Variants in MOCOS observed in about 807,000 individuals in gnomAD.
MOCOS encodes the protein molybdenum cofactor sulfurase.
A neutral mutation model predicts 83.6 loss-of-function variants in MOCOS; 86 were observed. That is an observed-to-expected ratio of 1.03 (90% CI 0.86 to 1.23). The LOEUF (loss-of-function observed/expected upper bound fraction) is 1.23, where lower values mean the gene tolerates loss of function less well. Among genes scored for constraint, MOCOS ranks in the 50% most tolerant of loss-of-function variants. MOCOS has a pLI of 0.00. For synonymous variants in MOCOS, 445 were observed against 434.7 expected (o/e 1.02, Z -0.29); for missense variants, 1,120 against 1,126.9 (o/e 0.99, Z 0.09).
intron 1 of MOCOS, among the ~76,000 whole-genome samples, chr18:36,193,272 C>T (rs2091373415): frequency 8.0e-6 from 1 of 124,892 alleles, no homozygotes; most frequent in Non-Finnish European, 1.6e-5. Flanking sequence ...GATTGCGCCA[C>T]TGCAGTCCGC....
At chr18:36,258,704 T>C (rs2091651592) in intron 12 of MOCOS, among the ~76,000 whole-genome samples, 1 of 152,162 alleles carries the variant, frequency 6.6e-6, no homozygotes, top group Non-Finnish European at 1.5e-5. Flanking sequence ...CACAAAAAAG[T>C]GCAAAAGTCA....
intron 8 of MOCOS, among the ~76,000 whole-genome samples, chr18:36,217,982 C>T (rs1239410397): frequency 6.6e-6 from 1 of 152,128 alleles, no homozygotes; most frequent in African/African-American, 2.4e-5. Flanking sequence ...AACTTCTATA[C>T]CAGAACGGTC....
Position 36,203,199 on chromosome 18 carries a change from C to T in MOCOS, c.1018+10C>T. 3 of 1,611,768 alleles carry T rather than the reference C, an allele frequency of 1.9e-6. No homozygotes were observed. The highest frequency in any genetic ancestry group is 2.5e-6 in the Non-Finnish European group (3 of 1,177,858). On this transcript the variant is annotated intron_variant, in intron 5 of 14. Coordinates refer to ENST00000261326, the MANE Select transcript of MOCOS (RefSeq NM_017947.4). ...CTAGAGCGCCTCACAGGTCAGTGGA[C>T]ATTTCTATCCCTGTGGAATTTGCTC...
At chr18:36,219,198 T>TTTTA (rs1568056297) in intron 8 of MOCOS, among the ~76,000 whole-genome samples, 21 of 151,108 alleles carry the variant, frequency 1.4e-4, no homozygotes, top group African/African-American at 4.4e-4. Context: ...ATTTTATTTT[T>TTTTA]TTTTTTGACA....
chr18:36,266,676 T>G, intron 13 of MOCOS, 73 bp from the exon 14 acceptor site: 2 of 1,304,792 alleles, frequency 1.5e-6, no homozygotes, highest in Non-Finnish European at 2.2e-6. Context: ...CATTTCTGTG[T>G]GATTCCTCCC....
intron 1 of MOCOS, among the ~76,000 whole-genome samples, chr18:36,191,046 A>T (rs1416824731): frequency 6.4e-5 from 8 of 125,398 alleles, no homozygotes; most frequent in Non-Finnish European, 5.5e-5. Flanking sequence ...AAGAAAAAAA[A>T]GTGTGTAGCA....
intron 6 of MOCOS, among the ~76,000 whole-genome samples, chr18:36,211,178 G>A (rs935678262): frequency 1.3e-5 from 2 of 152,146 alleles, no homozygotes; most frequent in Admixed American, 6.5e-5. Context: ...GGTGGCCTTC[G>A]GAAACATCAG....
chr18:36,246,908 C>A lies in MOCOS; in HGVS notation c.1961-2014C>A, dbSNP rs183274132. 1.4e-4 allele frequency among the ~76,000 whole-genome samples: 22 copies of A among 152,236 alleles called. No individual in the cohort carries two copies. In the East Asian group the frequency reaches 3.5e-3, roughly 24 times the overall value. ...TGGCTTCCTCAGGTAATGAACAGGG[C>A]CATAGAGCTCCCAAGAGACCATGTC... On this transcript the variant is annotated intron_variant, in intron 9 of 14. Transcript: ENST00000261326.
chr18:36,260,015 T>C (rs747962820), intron 12 of MOCOS, 22 bp from the exon 13 acceptor site: 2 of 1,614,074 alleles, frequency 1.2e-6, no homozygotes, highest in Non-Finnish European at 8.5e-7. Context: ...CCCTACTTAC[T>C]CTTTTTGGTT....
chr18:36,232,060 G>T (rs2144933265), intron 9 of MOCOS, among the ~76,000 whole-genome samples: 1 of 152,202 alleles, frequency 6.6e-6, no homozygotes, highest in Non-Finnish European at 1.5e-5. Flanking sequence ...TCCATCTCCT[G>T]GGCTCAAGCC....
At chr18:36,203,221 G>C in intron 5 of MOCOS, 32 bp downstream of exon 5, 1 of 1,597,750 alleles carries the variant, frequency 6.3e-7, no homozygotes, top group Non-Finnish European at 8.6e-7. Context: ...TGTGGAATTT[G>C]CTCCTGTTGT....
At chr18:36,239,932 C>T (rs1349510506) in intron 9 of MOCOS, among the ~76,000 whole-genome samples, 2 of 151,118 alleles carry the variant, frequency 1.3e-5, no homozygotes, top group South Asian at 2.1e-4. Flanking sequence ...CACATCAGCT[C>T]CTGAGGCTTC....
chr18:36,194,928 G>A lies in MOCOS; in HGVS notation c.143-329G>A, dbSNP rs536937576. 3.1e-4 allele frequency among the ~76,000 whole-genome samples: 47 copies of A among 152,302 alleles called. 1 individual carries two copies. The South Asian group carries it at 9.1e-3, about 30-fold the overall frequency. ...GACTCCTCCCAGAACCTCCAGAATA[G>A]GTTGTGAGTGACAATGTGAAACAGC... is the stretch of plus-strand genomic sequence containing the variant. On this transcript the variant is annotated intron_variant, in intron 1 of 14. Coordinates refer to ENST00000261326, the MANE Select transcript of MOCOS (RefSeq NM_017947.4).
At position 36,217,946 on chromosome 18, in the gene MOCOS, A is replaced by G. The variant is rs568304707; in HGVS notation, c.1797+1969A>G. On this transcript the variant is annotated intron_variant, in intron 8 of 14. Coordinates refer to ENST00000261326, the MANE Select transcript of MOCOS (RefSeq NM_017947.4). Reference sequence around the variant, plus strand: ...CTTGGGCCCTTCTCACAATTACATGAAGCTGCTTCTATTGCTCCACAGCTG... The same window carrying G: ...CTTGGGCCCTTCTCACAATTACATGGAGCTGCTTCTATTGCTCCACAGCTG... Among the ~76,000 whole-genome samples the G allele has an allele frequency of 1.9e-4, 29 of 152,262 alleles. 1 individual carries two copies. In the South Asian group the frequency reaches 6.0e-3, roughly 32 times the overall value.
chr18:36,250,772 A>C (rs2091618924), intron 10 of MOCOS, among the ~76,000 whole-genome samples: 1 of 152,238 alleles, frequency 6.6e-6, no homozygotes, highest in Admixed American at 6.5e-5. Context: ...TCCATGTGAG[A>C]GAAGATATTT....
At chr18:36,239,895 T>C (rs1352809877) in intron 9 of MOCOS, among the ~76,000 whole-genome samples, 1 of 152,116 alleles carries the variant, frequency 6.6e-6, no homozygotes, top group Non-Finnish European at 1.5e-5. Flanking sequence ...TCATCTTCCA[T>C]TGCTGATACT....
intron 9 of MOCOS, among the ~76,000 whole-genome samples, chr18:36,224,175 G>GT (rs1232031095): frequency 6.6e-6 from 1 of 152,068 alleles, no homozygotes; most frequent in African/African-American, 2.4e-5. Context: ...TAGTTTAACA[G>GT]TTTTTTAAAA....
intron 9 of MOCOS, among the ~76,000 whole-genome samples, chr18:36,223,603 G>A (rs2091504795): frequency 6.6e-6 from 1 of 152,078 alleles, no homozygotes; most frequent in African/African-American, 2.4e-5. Flanking sequence ...TGAATTTTAG[G>A]ATCGTTCTTT....
At chr18:36,206,392 A>T (rs1026876961) in intron 6 of MOCOS, among the ~76,000 whole-genome samples, 2 of 151,686 alleles carry the variant, frequency 1.3e-5, no homozygotes, top group Non-Finnish European at 1.5e-5. Context: ...GACTACGGAC[A>T]TGTGCCACCA....
Sources: allele counts gnomAD v4.1 joint callset (sites outside exome capture counted in the v4.1 genomes callset), GRCh38; gene constraint gnomAD v4.1.1; transcripts MANE v1.5; gene names NCBI Gene and HGNC (gene_info 2026-07-23, HGNC 2026-07-21).